Variants in ATP7A observed in about 807,000 individuals in gnomAD.
The protein encoded by ATP7A is ATPase copper transporting alpha.
In ATP7A, 7 loss-of-function variants were observed where a neutral mutation model predicts 83.5. That is an observed-to-expected ratio of 0.08 (90% CI 0.05 to 0.16). ATP7A has a LOEUF of 0.16. ATP7A is among the 10% of genes least tolerant of loss of function. ATP7A has a pLI of 1.00. For missense variants in ATP7A, 940 were observed against 1,120.8 expected, an observed-to-expected ratio of 0.84 and a Z score of 2.30; for synonymous variants, 354 against 395.2, an observed-to-expected ratio of 0.90 and a Z score of 1.24.
chrX:78,020,719 C>T (rs1294356033), intron 13 of ATP7A, among the ~76,000 whole-genome samples: 2 of 110,818 alleles, frequency 1.8e-5, no homozygotes, highest in Non-Finnish European at 3.8e-5. Flanking sequence ...CAGGGTCTCC[C>T]TAAGTTGCCC....
chrX:78,021,875 G>T (rs1412188572), intron 14 of ATP7A, among the ~76,000 whole-genome samples: 3 of 111,257 alleles, frequency 2.7e-5, no homozygotes, highest in African/African-American at 9.8e-5. Context: ...CCGGACTGCT[G>T]GTCCCAGATG....
At chrX:77,942,361 T>A (rs1357579103) in intron 1 of ATP7A, among the ~76,000 whole-genome samples, 1 of 111,710 alleles carries the variant, frequency 9.0e-6, no homozygotes, top group Non-Finnish European at 1.9e-5. Context: ...ATTCAAATGT[T>A]ACAAATTCCT....
intron 18 of ATP7A, among the ~76,000 whole-genome samples, chrX:78,039,492 C>A (rs2078034034): frequency 9.0e-6 from 1 of 110,765 alleles, no homozygotes; most frequent in Non-Finnish European, 1.9e-5. Context: ...ACCACCATGC[C>A]CGGCTAATTG....
At chrX:77,996,218 A>T (rs1557232546) in intron 4 of ATP7A, among the ~76,000 whole-genome samples, 1 of 111,680 alleles carries the variant, frequency 9.0e-6, no homozygotes. Flanking sequence ...ACACATACAT[A>T]CATTTTTTTC....
chrX:77,985,782 G>C (rs1312742877), intron 2 of ATP7A, among the ~76,000 whole-genome samples: 1 of 110,624 alleles, frequency 9.0e-6, no homozygotes, highest in Non-Finnish European at 1.9e-5. Context: ...CCAGGACATA[G>C]CGCAGCCCTG....
intron 2 of ATP7A, among the ~76,000 whole-genome samples, chrX:77,981,752 C>T (rs1478281252): frequency 8.9e-6 from 1 of 111,962 alleles, no homozygotes; most frequent in African/African-American, 3.2e-5. Context: ...AACAATGCTA[C>T]AATGTAATAA....
chrX:77,976,484 T>C (rs1557230309), intron 2 of ATP7A, among the ~76,000 whole-genome samples: 1 of 112,118 alleles, frequency 8.9e-6, no homozygotes, highest in African/African-American at 3.2e-5. Context: ...CTTGTTTTTA[T>C]TACCCAAAAT....
chrX:77,955,842 C>T (rs1462122554), intron 1 of ATP7A, among the ~76,000 whole-genome samples: 2 of 108,735 alleles, frequency 1.8e-5, no homozygotes, highest in African/African-American at 3.3e-5. Context: ...TCTATGACAT[C>T]AACCATTTTT....
intron 1 of ATP7A, among the ~76,000 whole-genome samples, chrX:77,929,644 T>TA (rs1394510271): frequency 9.2e-6 from 1 of 108,814 alleles, no homozygotes; most frequent in African/African-American, 3.3e-5. Flanking sequence ...TTCTTTTTTT[T>TA]TTTTTTTGAG....
At chrX:77,961,110 A>G (rs1475020053) in intron 1 of ATP7A, among the ~76,000 whole-genome samples, 2 of 112,019 alleles carry the variant, frequency 1.8e-5, no homozygotes, top group Non-Finnish European at 3.8e-5. Context: ...AAAACAATGC[A>G]GGTGAATTAC....
intron 1 of ATP7A, among the ~76,000 whole-genome samples, chrX:77,970,679 A>C (rs782608686): frequency 1.8e-5 from 2 of 111,715 alleles, no homozygotes; most frequent in Non-Finnish European, 3.8e-5. Flanking sequence ...AAACAAAAAC[A>C]AAAACAAAAA....
intron 1 of ATP7A, among the ~76,000 whole-genome samples, chrX:77,933,044 A>T (rs2077298550): frequency 8.9e-6 from 1 of 112,067 alleles, no homozygotes; most frequent in Non-Finnish European, 1.9e-5. Flanking sequence ...TACTCTGTGC[A>T]AGTACTGCTC....
chrX:78,045,472 G>C lies in ATP7A; in HGVS notation c.4126G>C (p.Val1376Leu). ...NLVGIPIAAG[V>L]FMPIGLVLQP... ...ACTAATCCATACTTGTTTCTTAGGA[G>C]TTTTTATGCCCATTGGTTTGGTTTT... The change falls in exon 22 of 23, where the codon GTT (valine) becomes CTT (leucine). Residue 1376 changes from valine (V) to leucine (L), a missense_variant and splice_region_variant. Around this residue, in one of 3 missense-constraint regions of ATP7A, gnomAD observed 386 missense variants for 502.2 expected, o/e 0.77. Coordinates refer to ENST00000341514, the MANE Select transcript of ATP7A (RefSeq NM_000052.7). 8.3e-7 allele frequency: 1 copy of C among 1,207,311 alleles called. No homozygotes were observed. Among genetic ancestry groups the C allele is most frequent in the Non-Finnish European group, 1.1e-6 (1 of 891,877 alleles).
rs185146659 is a variant in ATP7A, at chrX:77,941,298, C to T, written c.-21-30323C>T. Among the ~76,000 whole-genome samples the T allele has an allele frequency of 6.1e-4, 68 of 112,149 alleles. 1 individual carries two copies. The highest frequency in any genetic ancestry group is 2.2e-3 in the African/African-American group (67 of 31,049). ...AATTAAATAAAATATAGCATATCCA[C>T]ATAAGGGAATATTACAACCATTTTA... On this transcript the variant is annotated intron_variant, in intron 1 of 22. Coordinates refer to ENST00000341514, the MANE Select transcript of ATP7A (RefSeq NM_000052.7).
chrX:77,921,610 A>C (rs1192670356), intron 1 of ATP7A, among the ~76,000 whole-genome samples: 1 of 112,217 alleles, frequency 8.9e-6, no homozygotes, highest in African/African-American at 3.2e-5. Flanking sequence ...ATTACTTAGA[A>C]GTATTAGCTA....
At chrX:77,943,785 C>T (rs1361908771) in intron 1 of ATP7A, among the ~76,000 whole-genome samples, 1 of 111,735 alleles carries the variant, frequency 8.9e-6, no homozygotes, top group Admixed American at 9.6e-5. Flanking sequence ...TTGTTCTTAA[C>T]TGCTGTATAG....
intron 6 of ATP7A, among the ~76,000 whole-genome samples, chrX:78,007,836 T>C (rs1282450188): frequency 8.9e-6 from 1 of 112,086 alleles, no homozygotes; most frequent in Non-Finnish European, 1.9e-5. Context: ...ATGAGGTATA[T>C]GAGACGTTTT....
chrX:78,018,488 G>T (rs1557235414), intron 12 of ATP7A, among the ~76,000 whole-genome samples: 2 of 111,369 alleles, frequency 1.8e-5, no homozygotes, highest in Non-Finnish European at 3.8e-5. Flanking sequence ...TGGGCAAGAA[G>T]TGCGAAACTC....
At chrX:77,947,802 C>T (rs1170954258) in intron 1 of ATP7A, among the ~76,000 whole-genome samples, 20 of 89,531 alleles carry the variant, frequency 2.2e-4, no homozygotes, top group Non-Finnish European at 3.8e-4. Context: ...TGCAATGGTG[C>T]GATCTCAGCT....
Sources: gnomAD v4.1 joint callset for allele counts (sites outside exome capture counted in the v4.1 genomes callset) on GRCh38, gnomAD v4.1.1 for gene constraint, gnomAD v4.1.1 regional missense constraint, MANE v1.5 for transcripts, NCBI Gene and HGNC (gene_info 2026-07-23, HGNC 2026-07-21) for gene names.